MROH9: variants seen among roughly 807,000 people sequenced by gnomAD.
MROH9 encodes maestro heat like repeat family member 9.
A neutral mutation model predicts 98.2 loss-of-function variants in MROH9; 92 were observed. The observed-to-expected ratio is 0.94, with a 90% CI of 0.79 to 1.11. MROH9 has a LOEUF of 1.11. Ranked by LOEUF, MROH9 falls within the 50% of genes most tolerant of loss-of-function variation. The probability of loss-of-function intolerance (pLI) is 0.00; values close to 1 mark genes in which losing one functional copy is unlikely to be tolerated. For missense variants in MROH9, 1,057 were observed against 1,014.8 expected (o/e 1.04, Z -0.57); for synonymous variants, 397 against 368.9 (o/e 1.08, Z -0.87).
intron 15 of MROH9, among the ~76,000 whole-genome samples, chr1:171,000,448 AG>A (rs1447379213): frequency 1.3e-5 from 2 of 152,090 alleles, no homozygotes; most frequent in African/African-American, 4.8e-5. Context: ...TTAATCATAA[AG>A]GGATGCTGGA....
At chr1:170,963,954 A>T (rs1571455251) in intron 6 of MROH9, among the ~76,000 whole-genome samples, 1 of 152,172 alleles carries the variant, frequency 6.6e-6, no homozygotes, top group East Asian at 1.9e-4. Context: ...AATAAAAGTT[A>T]AAAAAAGTTG....
At chr1:170,959,882 A>G (rs1557874365) in intron 5 of MROH9, among the ~76,000 whole-genome samples, 1 of 152,228 alleles carries the variant, frequency 6.6e-6, no homozygotes, top group South Asian at 2.1e-4. Context: ...AAAGAATGGA[A>G]TAGGAACATG....
chr1:170,980,510 A>G (rs7411244), intron 8 of MROH9, among the ~76,000 whole-genome samples: 83,855 of 151,986 alleles, frequency 0.55, 23,374 homozygotes, highest in Middle Eastern at 0.74. Context: ...ACAAAAACAA[A>G]CAATGGGGAA....
At chr1:171,007,001 C>T (rs1412058768) in intron 15 of MROH9, among the ~76,000 whole-genome samples, 3 of 152,118 alleles carry the variant, frequency 2.0e-5, no homozygotes, top group East Asian at 3.9e-4. Context: ...CTTTATAAGT[C>T]TTCTTTGGTA....
chr1:170,986,463 C>A, intron 9 of MROH9, 98 bp from the exon 10 acceptor site: 5 of 1,308,868 alleles, frequency 3.8e-6, no homozygotes, highest in Non-Finnish European at 5.2e-6. Flanking sequence ...ACTTGTGGCC[C>A]TGCTTGGCTC....
chr1:171,011,796 G>A (rs1159151672), intron 15 of MROH9, among the ~76,000 whole-genome samples: 1 of 151,750 alleles, frequency 6.6e-6, no homozygotes, highest in Admixed American at 6.6e-5. Flanking sequence ...CATTTTACTT[G>A]TTCTTTTTTG....
intron 20 of MROH9, among the ~76,000 whole-genome samples, chr1:171,031,644 G>A (rs979449087): frequency 1.3e-5 from 2 of 152,076 alleles, no homozygotes; most frequent in Admixed American, 6.6e-5. Context: ...GTTGAGAGAC[G>A]TACTTTTAGT....
At chr1:171,029,830 C>A (rs940651996) in intron 20 of MROH9, among the ~76,000 whole-genome samples, 1 of 152,068 alleles carries the variant, frequency 6.6e-6, no homozygotes, top group Non-Finnish European at 1.5e-5. Flanking sequence ...AGGGAGGAGT[C>A]CCTCCTTTTC....
rs1652675435 is a variant in MROH9, at chr1:171,025,409, T to C, written c.2270T>C (p.Val757Ala). ...AGAACATATCTTAAGAGGGCATCGGTTATTTTGATAGGTAAATATAATTCA... is the reference window on the plus strand; with the variant it reads ...AGAACATATCTTAAGAGGGCATCGGCTATTTTGATAGGTAAATATAATTCA... ...SPRTYLKRASVILIGYLAKSG... is the reference protein window; with the variant it reads ...SPRTYLKRASAILIGYLAKSG... Residue 757 changes from valine to alanine, a missense_variant, in exon 20 of 22, where the codon GTT (valine) becomes GCT (alanine). Physicochemically the swap from Val to Ala is moderately conservative, Grantham distance 64. Coordinates refer to ENST00000367759, the MANE Select transcript of MROH9 (RefSeq NM_001163629.2). 1.9e-6 allele frequency: 3 copies of C among 1,541,024 alleles called. No individual in the cohort carries two copies. The highest frequency in any genetic ancestry group is 2.6e-6 in the Non-Finnish European group (3 of 1,137,854).
intron 20 of MROH9, among the ~76,000 whole-genome samples, chr1:171,052,600 C>G (rs759308926): frequency 3.9e-5 from 6 of 152,164 alleles, no homozygotes; most frequent in Non-Finnish European, 8.8e-5. Context: ...GGTTCCTAAT[C>G]CAGGCAAGCG....
At chr1:170,972,743 C>T (rs1174958628) in intron 8 of MROH9, among the ~76,000 whole-genome samples, 1 of 149,070 alleles carries the variant, frequency 6.7e-6, no homozygotes, top group Non-Finnish European at 1.5e-5. Context: ...ACCCAGGAGG[C>T]AGAGCTTACA....
intron 16 of MROH9, chr1:171,015,289 T>G: frequency 6.7e-6 from 2 of 298,546 alleles, no homozygotes; most frequent in South Asian, 3.1e-5. Flanking sequence ...AAGCAGCAAA[T>G]TATTTATTGC....
intron 20 of MROH9, among the ~76,000 whole-genome samples, chr1:171,041,172 C>G (rs1653284748): frequency 6.6e-6 from 1 of 151,650 alleles, no homozygotes; most frequent in Admixed American, 6.6e-5. Context: ...ATCTATTATT[C>G]CACTCTGTAT....
At chr1:171,053,936 G>A (rs1330292688) in intron 20 of MROH9, among the ~76,000 whole-genome samples, 2 of 152,114 alleles carry the variant, frequency 1.3e-5, no homozygotes, top group African/African-American at 2.4e-5. Flanking sequence ...AAGAACTCCT[G>A]TAAGAGATGA....
At chr1:171,022,247 G>A (rs899917878) in intron 17 of MROH9, among the ~76,000 whole-genome samples, 2 of 152,166 alleles carry the variant, frequency 1.3e-5, no homozygotes, top group Non-Finnish European at 2.9e-5. Flanking sequence ...CCATTACTGA[G>A]TATATACCCG....
intron 8 of MROH9, among the ~76,000 whole-genome samples, chr1:170,972,202 A>G (rs1650485741): frequency 6.6e-6 from 1 of 151,984 alleles, no homozygotes; most frequent in South Asian, 2.1e-4. Context: ...AAAATGCGGT[A>G]TTTTTTTCTG....
chr1:170,958,446 T>TTAA lies in MROH9; in HGVS notation c.73-15_73-14insTAA. On this transcript the variant is annotated splice_polypyrimidine_tract_variant and intron_variant, in intron 3 of 21. Coordinates refer to ENST00000367759, the MANE Select transcript of MROH9 (RefSeq NM_001163629.2). ...TAATTCTTCTTTTTTTTTTTTTTTT[T>TTAA]AACATGGTACTTAGGCACATAAAGT... is the stretch of plus-strand genomic sequence containing the variant. The TTAA allele has an allele frequency of 7.0e-7, 1 of 1,432,158 alleles. No individual in the cohort carries two copies. Among genetic ancestry groups the TTAA allele is most frequent in the Non-Finnish European group, 9.6e-7 (1 of 1,044,284 alleles). 88.7% of individuals were successfully genotyped at this position (1,432,158 alleles called of 1,614,324 possible).
intron 1 of MROH9, among the ~76,000 whole-genome samples, chr1:170,942,368 GACAC>G (rs10529238): frequency 0.25 from 36,401 of 144,802 alleles, 4,623 homozygotes; most frequent in Middle Eastern, 0.33. Context: ...ATGTAGAGTA[GACAC>G]ACACACACAC....
intron 20 of MROH9, among the ~76,000 whole-genome samples, chr1:171,051,930 G>A (rs1653681175): frequency 6.6e-6 from 1 of 152,138 alleles, no homozygotes; most frequent in African/African-American, 2.4e-5. Context: ...TGATAGCAGG[G>A]TAATGATGGC....
Sources: allele counts gnomAD v4.1 joint callset (sites outside exome capture counted in the v4.1 genomes callset), GRCh38; gene constraint gnomAD v4.1.1; transcripts MANE v1.5; gene names NCBI Gene and HGNC (gene_info 2026-07-23, HGNC 2026-07-21).